ALPK2: variants seen among roughly 807,000 people sequenced by gnomAD.
ALPK2 encodes the protein alpha kinase 2.
A neutral mutation model predicts 163.1 loss-of-function variants in ALPK2; 127 were observed. The observed-to-expected ratio is 0.78, with a 90% CI of 0.67 to 0.90. ALPK2 has a LOEUF of 0.90. Ranked by LOEUF, ALPK2 falls within the 40% of genes least tolerant of loss-of-function variation. ALPK2 has a pLI of 0.00. For missense variants in ALPK2, 2,360 were observed against 2,589.6 expected, an observed-to-expected ratio of 0.91 and a Z score of 1.92; for synonymous variants, 953 against 959.1, an observed-to-expected ratio of 0.99 and a Z score of 0.12.
chr18:58,485,794 G>T lies in ALPK2; in HGVS notation c.6297-3755C>A, dbSNP rs899835425. Among the ~76,000 whole-genome samples, 4 of 151,470 alleles carry T rather than the reference G, an allele frequency of 2.6e-5. 1 individual carries two copies. The highest frequency in any genetic ancestry group is 9.7e-5 in the African/African-American group (4 of 41,198). On this transcript the variant is annotated intron_variant, in intron 12 of 12. Coordinates refer to ENST00000361673, the MANE Select transcript of ALPK2 (RefSeq NM_052947.4). ...TTAATCCCACCTGCCACTGGGGGGG[G>T]ACCCCGGTTGCTTCACACCAACTCC...
At chr18:58,583,950 G>T (rs1454358002) in intron 3 of ALPK2, among the ~76,000 whole-genome samples, 1 of 152,104 alleles carries the variant, frequency 6.6e-6, no homozygotes, top group Non-Finnish European at 1.5e-5. Flanking sequence ...GGCACAAGGG[G>T]CAGTAAAGCA....
chr18:58,518,308 G>T (rs756714196), intron 8 of ALPK2, among the ~76,000 whole-genome samples: 1 of 152,174 alleles, frequency 6.6e-6, no homozygotes, highest in Non-Finnish European at 1.5e-5. Flanking sequence ...AAACTATTCT[G>T]ATCGGGTATT....
intron 3 of ALPK2, among the ~76,000 whole-genome samples, chr18:58,593,827 G>A (rs377192217): frequency 2.6e-5 from 4 of 151,774 alleles, no homozygotes; most frequent in Admixed American, 6.6e-5. Flanking sequence ...GCAGTGAGCC[G>A]AGATCGCACC....
chr18:58,535,387 G>A lies in ALPK2; in HGVS notation c.4800C>T (p.Pro1600=). 3 of 1,614,166 alleles carry A rather than the reference G, an allele frequency of 1.9e-6. No individual in the cohort carries two copies. The South Asian group carries it at 3.3e-5, about 18-fold the overall frequency. The change falls in exon 5 of 13, where the codon CCC becomes CCT. Residue 1600 remains proline (P), a synonymous_variant. Coordinates refer to ENST00000361673, the MANE Select transcript of ALPK2 (RefSeq NM_052947.4). ...TIENERGKPL[P]SSPDLTRFPC... is the part of the protein sequence containing the mutation. The stretch of plus-strand genomic sequence containing the variant: ...GGAACCTGGTAAGATCAGGAGAAGA[G>A]GGCAAAGGTTTCCCACGCTCATTCT...
chr18:58,572,464 G>C (rs973920733), intron 4 of ALPK2, among the ~76,000 whole-genome samples: 1 of 152,114 alleles, frequency 6.6e-6, no homozygotes, highest in Non-Finnish European at 1.5e-5. Flanking sequence ...TTAGCCATGA[G>C]AGCAAAAAAC....
intron 4 of ALPK2, among the ~76,000 whole-genome samples, chr18:58,564,737 G>A (rs575453505): frequency 2.0e-5 from 3 of 152,178 alleles, no homozygotes; most frequent in African/African-American, 7.2e-5. Flanking sequence ...ACTGAGGAAA[G>A]AGGCCCAAAG....
chr18:58,503,113 G>C (rs2051441105), intron 11 of ALPK2, among the ~76,000 whole-genome samples: 1 of 152,240 alleles, frequency 6.6e-6, no homozygotes, highest in Admixed American at 6.5e-5. Flanking sequence ...GTCTGTCTTA[G>C]GGGAACCCTA....
chr18:58,527,377 G>A (rs181995023), intron 6 of ALPK2, among the ~76,000 whole-genome samples: 1 of 152,116 alleles, frequency 6.6e-6, no homozygotes, highest in Non-Finnish European at 1.5e-5. Flanking sequence ...AAAGCAAATG[G>A]GTTCAACTAA....
intron 12 of ALPK2, among the ~76,000 whole-genome samples, chr18:58,491,009 A>G (rs1158031031): frequency 6.6e-6 from 1 of 152,390 alleles, no homozygotes; most frequent in South Asian, 2.1e-4. Context: ...CGTTGTAGGT[A>G]GACACCCACC....
intron 4 of ALPK2, among the ~76,000 whole-genome samples, chr18:58,549,435 C>A (rs1317045284): frequency 6.6e-6 from 1 of 152,184 alleles, no homozygotes; most frequent in East Asian, 1.9e-4. Flanking sequence ...GGAAAAATAA[C>A]AATTCACAGA....
rs1416747366 is a variant in ALPK2, at chr18:58,529,172, C to T, written c.5420G>A (p.Ser1807Asn). 1 of 1,614,050 alleles carries T rather than the reference C, an allele frequency of 6.2e-7. No individual in the cohort carries two copies. The highest frequency in any genetic ancestry group is 1.1e-5 in the South Asian group (1 of 91,078). The change falls in exon 6 of 13, where the codon AGC becomes AAC. Residue 1807 changes from serine to asparagine, a missense_variant. Physicochemically the swap from Ser to Asn is conservative, Grantham distance 46 (BLOSUM62 1). Coordinates refer to ENST00000361673, the MANE Select transcript of ALPK2 (RefSeq NM_052947.4). ...TTCATGAATTTCTGCAAATTGGCAG[C>T]TTAATTTTACATTTCCAGAGTGTTC... is the stretch of plus-strand genomic sequence containing the variant. ...FPEHSGNVKL[S>N]CQFAEIHEDS...
intron 4 of ALPK2, among the ~76,000 whole-genome samples, chr18:58,553,788 G>A (rs1338831529): frequency 2.0e-5 from 3 of 147,022 alleles, no homozygotes; most frequent in Middle Eastern, 3.3e-3. Flanking sequence ...TGAACTGTGA[G>A]TCATATTAAA....
intron 4 of ALPK2, among the ~76,000 whole-genome samples, chr18:58,572,273 A>G (rs1010611641): frequency 1.3e-5 from 2 of 152,224 alleles, no homozygotes; most frequent in Non-Finnish European, 1.5e-5. Flanking sequence ...ATGTGGCGTA[A>G]CTGGGCCCTC....
intron 1 of ALPK2, among the ~76,000 whole-genome samples, chr18:58,622,068 C>T (rs992519837): frequency 1.3e-5 from 2 of 151,068 alleles, no homozygotes; most frequent in African/African-American, 4.9e-5. Flanking sequence ...TGTGCGAGGC[C>T]GGGCATAGTG....
At chr18:58,540,664 G>C (rs2051685121) in intron 4 of ALPK2, among the ~76,000 whole-genome samples, 1 of 152,140 alleles carries the variant, frequency 6.6e-6, no homozygotes, top group African/African-American at 2.4e-5. Context: ...CCCATCAAAA[G>C]CACCACCACC....
intron 2 of ALPK2, among the ~76,000 whole-genome samples, chr18:58,609,044 G>T (rs1391561815): frequency 6.6e-6 from 1 of 152,052 alleles, no homozygotes; most frequent in Non-Finnish European, 1.5e-5. Flanking sequence ...GGAAGAAAAA[G>T]TTCGTTAGAC....
intron 4 of ALPK2, among the ~76,000 whole-genome samples, chr18:58,565,547 T>C (rs1470945896): frequency 6.6e-6 from 1 of 152,208 alleles, no homozygotes. Flanking sequence ...ATTTACCTTT[T>C]AAAAATAATT....
chr18:58,481,724 C>A lies in ALPK2; in HGVS notation c.*99G>T. 1 of 951,538 alleles carries A rather than the reference C, an allele frequency of 1.1e-6. No individual in the cohort carries two copies. The highest frequency in any genetic ancestry group is 1.5e-5 in the South Asian group (1 of 65,180). The allele number at this position is 951,538 out of a possible 1,614,324, so 58.9% of individuals were successfully genotyped here. A position where few individuals can be genotyped will look rare whatever the true frequency, so the allele number is the denominator to read the frequency against. ...TCGGCTGGGAGTAAGGATTGCCACG[C>A]ACTCTCTGCAGGCTGTATATTCTCT... On this transcript the variant is annotated 3_prime_UTR_variant, in exon 13 of 13. Transcript: ENST00000361673.
chr18:58,553,850 G>GTTTTTTTTTTT (rs71173061), intron 4 of ALPK2, among the ~76,000 whole-genome samples: 8 of 74,010 alleles, frequency 1.1e-4, no homozygotes, highest in Non-Finnish European at 1.8e-4. Flanking sequence ...TTTTTTTTTG[G>GTTTTTTTTTTT]TTTTTTTTTT....
Sources: allele counts gnomAD v4.1 joint callset (sites outside exome capture counted in the v4.1 genomes callset), GRCh38; gene constraint gnomAD v4.1.1; transcripts MANE v1.5; gene names NCBI Gene and HGNC (gene_info 2026-07-23, HGNC 2026-07-21).